Variants in ME3 observed in about 807,000 individuals in gnomAD.
The protein encoded by ME3 is malic enzyme 3.
In ME3, 48 loss-of-function variants were observed where a neutral mutation model predicts 68.9. The observed-to-expected ratio is 0.70, with a 90% confidence interval of 0.55 to 0.89. The LOEUF (loss-of-function observed/expected upper bound fraction) is 0.89, where lower values mean the gene tolerates loss of function less well. Among genes scored for constraint, ME3 ranks in the 40% least tolerant of loss-of-function variants. ME3 has a pLI of 0.00. For synonymous variants in ME3, 320 were observed against 318.8 expected, an observed-to-expected ratio of 1.00 and a Z score of -0.04; for missense variants, 675 against 797.4, an observed-to-expected ratio of 0.85 and a Z score of 1.85.
At chr11:86,622,475 G>T (rs966511027) in intron 2 of ME3, among the ~76,000 whole-genome samples, 1 of 151,898 alleles carries the variant, frequency 6.6e-6, no homozygotes, top group Non-Finnish European at 1.5e-5. Context: ...TGGCTTTCTG[G>T]TAGATCTGAT....
chr11:86,653,526 A>T (rs1157679976), intron 2 of ME3, among the ~76,000 whole-genome samples: 2 of 152,212 alleles, frequency 1.3e-5, no homozygotes, highest in African/African-American at 4.8e-5. Context: ...AGGCAGAAAT[A>T]AAGATGTTCT....
chr11:86,661,915 A>G (rs951448399), intron 2 of ME3, among the ~76,000 whole-genome samples: 21 of 152,120 alleles, frequency 1.4e-4, no homozygotes, highest in African/African-American at 5.1e-4. Context: ...GCCTAAAACT[A>G]AACAGGAACT....
In ME3 at chr11:86,560,748, G is replaced by GTATATATATA. The variant is rs142056305; in HGVS notation, c.184-935_184-926dup. Among the ~76,000 whole-genome samples, 543 of 62,494 alleles carry GTATATATATA rather than the reference G, an allele frequency of 8.7e-3. 5 individuals are homozygous for GTATATATATA. The highest frequency in any genetic ancestry group is 0.013 in the Non-Finnish European group (404 of 32,056). The allele number at this position is 62,494 out of a possible 152,430, so 41.0% of individuals were successfully genotyped here. On this transcript the variant is annotated intron_variant, in intron 2 of 14. Coordinates refer to ENST00000543262, the Ensembl canonical transcript of ME3. ...TGTATGTGTGTGTGTGTGTGTGTGT[G>GTATATATATA]TATATATATATATATATATATATAT...
chr11:86,534,491 G>A (rs1461088856), intron 4 of ME3, among the ~76,000 whole-genome samples: 2 of 151,882 alleles, frequency 1.3e-5, no homozygotes, highest in African/African-American at 4.8e-5. Context: ...CCTGGCCAAC[G>A]TGGCAAAACC....
intron 2 of ME3, among the ~76,000 whole-genome samples, chr11:86,625,356 C>A (rs1177313240): frequency 6.6e-6 from 1 of 151,712 alleles, no homozygotes; most frequent in Admixed American, 6.6e-5. Flanking sequence ...AACTCAAAGA[C>A]CCCAAGGAAC....
intron 2 of ME3, among the ~76,000 whole-genome samples, chr11:86,617,648 G>C (rs1943065640): frequency 6.6e-6 from 1 of 152,126 alleles, no homozygotes; most frequent in Admixed American, 6.5e-5. Flanking sequence ...ATCTTGTAGA[G>C]AATTGAAAAT....
chr11:86,603,484 C>G (rs1961073060), intron 2 of ME3, among the ~76,000 whole-genome samples: 1 of 152,158 alleles, frequency 6.6e-6, no homozygotes, highest in South Asian at 2.1e-4. Flanking sequence ...AATAGGAACA[C>G]TTTTACACGG....
chr11:86,556,941 A>T (rs973886789), intron 3 of ME3, among the ~76,000 whole-genome samples: 5 of 152,184 alleles, frequency 3.3e-5, no homozygotes, highest in Non-Finnish European at 7.3e-5. Context: ...AACTCCTTTA[A>T]AACTTCCAAT....
At chr11:86,554,921 A>G (rs1222033837) in intron 4 of ME3, among the ~76,000 whole-genome samples, 1 of 152,212 alleles carries the variant, frequency 6.6e-6, no homozygotes, top group Admixed American at 6.5e-5. Context: ...ACAAAAAGAA[A>G]ACTATGGGAT....
At chr11:86,574,997 T>G (rs1594511795) in intron 2 of ME3, among the ~76,000 whole-genome samples, 2 of 119,184 alleles carry the variant, frequency 1.7e-5, no homozygotes, top group East Asian at 3.9e-4. Flanking sequence ...TTGTCCAGCC[T>G]GGGCAGGGGC....
intron 2 of ME3, among the ~76,000 whole-genome samples, chr11:86,652,303 A>G (rs1945499290): frequency 1.3e-5 from 2 of 152,194 alleles, no homozygotes; most frequent in African/African-American, 2.4e-5. Flanking sequence ...CAGATTCACC[A>G]AAGTTGAAAT....
intron 4 of ME3, among the ~76,000 whole-genome samples, chr11:86,532,125 CAAAG>C (rs919700598): frequency 6.6e-6 from 1 of 151,822 alleles, no homozygotes; most frequent in African/African-American, 2.4e-5. Context: ...AAAAAAGAGA[CAAAG>C]AAGATCATTA....
At chr11:86,651,693 C>A (rs532299015) in intron 2 of ME3, among the ~76,000 whole-genome samples, 5 of 152,166 alleles carry the variant, frequency 3.3e-5, no homozygotes, top group African/African-American at 7.2e-5. Flanking sequence ...AGCACCTCTG[C>A]CCCTTCAAAG....
chr11:86,603,610 A>G (rs970300016), intron 2 of ME3, among the ~76,000 whole-genome samples: 14 of 152,170 alleles, frequency 9.2e-5, no homozygotes, highest in African/African-American at 2.7e-4. Context: ...TACCCAAAGG[A>G]CTATAAATCA....
At chr11:86,490,980 G>C (rs1034033084) in intron 6 of ME3, among the ~76,000 whole-genome samples, 1 of 152,158 alleles carries the variant, frequency 6.6e-6, no homozygotes, top group Non-Finnish European at 1.5e-5. Flanking sequence ...AGATACTGCT[G>C]AGATACAAGG....
intron 6 of ME3, 103 bp from the exon 7 acceptor site, chr11:86,487,543 G>A: frequency 1.1e-6 from 1 of 874,270 alleles, no homozygotes; most frequent in Non-Finnish European, 1.8e-6. Flanking sequence ...GAAGGTGGGA[G>A]GAGAGGGGGG....
chr11:86,548,299 T>A (rs554554276), intron 4 of ME3, among the ~76,000 whole-genome samples: 1 of 152,366 alleles, frequency 6.6e-6, no homozygotes, highest in South Asian at 2.1e-4. Context: ...TCTACCTCTG[T>A]TCCAAAGTAT....
At chr11:86,606,492 C>T (rs1282239881) in intron 2 of ME3, among the ~76,000 whole-genome samples, 11 of 152,186 alleles carry the variant, frequency 7.2e-5, no homozygotes, top group Admixed American at 1.3e-4. Flanking sequence ...CTGCCTGCAG[C>T]GAAGCTGTTT....
intron 3 of ME3, among the ~76,000 whole-genome samples, chr11:86,557,160 G>C (rs570509756): frequency 6.6e-6 from 1 of 152,258 alleles, no homozygotes; most frequent in Admixed American, 6.5e-5. Context: ...ATATTCTGGA[G>C]GTGGGGTAGG....
Sources: gnomAD v4.1 joint callset for allele counts (sites outside exome capture counted in the v4.1 genomes callset) on GRCh38, gnomAD v4.1.1 for gene constraint, MANE v1.5 for transcripts, NCBI Gene and HGNC (gene_info 2026-07-23, HGNC 2026-07-21) for gene names.